RAB31: variants seen among roughly 807,000 people sequenced by gnomAD.
The protein encoded by RAB31 is RAB31, member RAS oncogene family, also known as ras-related protein Rab-31.
In RAB31, 21 loss-of-function variants were observed where a neutral mutation model predicts 25.6. The ratio of observed to expected loss-of-function variants is 0.82; its 90% confidence interval spans 0.58 to 1.18. The LOEUF is 1.18. Ranked by LOEUF, RAB31 falls within the 50% of genes most tolerant of loss-of-function variation. The pLI is 0.00. For missense variants in RAB31, 196 were observed against 250.1 expected, an observed-to-expected ratio of 0.78 and a Z score of 1.46; for synonymous variants, 87 against 84.0, an observed-to-expected ratio of 1.04 and a Z score of -0.20.
At chr18:9,807,454 T>A (rs1215289758) in intron 3 of RAB31, among the ~76,000 whole-genome samples, 1 of 152,124 alleles carries the variant, frequency 6.6e-6, no homozygotes, top group East Asian at 1.9e-4. Flanking sequence ...TGGCTGTGTA[T>A]GATGCGAATA....
chr18:9,744,501 G>T (rs2068195804), intron 1 of RAB31, among the ~76,000 whole-genome samples: 1 of 152,042 alleles, frequency 6.6e-6, no homozygotes, highest in African/African-American at 2.4e-5. Context: ...TGTTCATTTT[G>T]TATCTGTATG....
At chr18:9,818,921 G>A (rs952120125) in intron 5 of RAB31, among the ~76,000 whole-genome samples, 1 of 152,166 alleles carries the variant, frequency 6.6e-6, no homozygotes, top group African/African-American at 2.4e-5. Context: ...TTGGCCATGT[G>A]TGTATCTTCT....
intron 5 of RAB31, among the ~76,000 whole-genome samples, chr18:9,819,047 A>G (rs1261153562): frequency 1.3e-5 from 2 of 152,198 alleles, no homozygotes; most frequent in African/African-American, 4.8e-5. Flanking sequence ...CAAACATGTA[A>G]TTCGCAAATA....
chr18:9,843,355 G>A (rs978603905), intron 5 of RAB31, among the ~76,000 whole-genome samples: 1 of 152,026 alleles, frequency 6.6e-6, no homozygotes, highest in Non-Finnish European at 1.5e-5. Context: ...GACCAGACTG[G>A]GCAACGTGGC....
intron 6 of RAB31, among the ~76,000 whole-genome samples, chr18:9,857,688 A>ATAG (rs2068825105): frequency 1.3e-5 from 1 of 77,984 alleles, no homozygotes; most frequent in Admixed American, 1.3e-4. Flanking sequence ...TAGATAGATG[A>ATAG]TAGATAGATA....
intron 5 of RAB31, among the ~76,000 whole-genome samples, chr18:9,843,365 C>T (rs898567566): frequency 4.0e-5 from 6 of 151,882 alleles, no homozygotes; most frequent in South Asian, 2.1e-4. Context: ...GGCAACGTGG[C>T]GAAACCCCGT....
At chr18:9,790,905 A>G (rs1163608308) in intron 2 of RAB31, among the ~76,000 whole-genome samples, 1 of 152,242 alleles carries the variant, frequency 6.6e-6, no homozygotes, top group South Asian at 2.1e-4. Flanking sequence ...ACTTTCTGTC[A>G]TAAAAGTCAA....
intron 1 of RAB31, among the ~76,000 whole-genome samples, chr18:9,727,639 A>C (rs2068102011): frequency 6.6e-6 from 1 of 152,228 alleles, no homozygotes; most frequent in African/African-American, 2.4e-5. Context: ...AATTGTGTAT[A>C]ATTAAGCCAT....
intron 1 of RAB31, among the ~76,000 whole-genome samples, chr18:9,732,386 A>G (rs1265138563): frequency 6.6e-6 from 1 of 152,244 alleles, no homozygotes; most frequent in Non-Finnish European, 1.5e-5. Flanking sequence ...GCAGGGCTGT[A>G]GCCAGGTGAG....
chr18:9,716,910 TTTTCTTTC>T (rs71168100), intron 1 of RAB31, among the ~76,000 whole-genome samples: 1 of 128,782 alleles, frequency 7.8e-6, no homozygotes, highest in Non-Finnish European at 1.7e-5. Context: ...ACTTGGCTAA[TTTTCTTTC>T]TTTCTTTCTT....
chr18:9,804,453 G>A (rs2068529810), intron 3 of RAB31, among the ~76,000 whole-genome samples: 1 of 152,180 alleles, frequency 6.6e-6, no homozygotes. Flanking sequence ...CCAAAACACA[G>A]AGCCGCTGAG....
intron 6 of RAB31, among the ~76,000 whole-genome samples, chr18:9,854,679 G>A (rs961343539): frequency 3.9e-5 from 6 of 152,062 alleles, no homozygotes; most frequent in Non-Finnish European, 5.9e-5. Flanking sequence ...CTTCTTTATG[G>A]CAGCAAGAGG....
At chr18:9,821,902 G>A (rs1255544781) in intron 5 of RAB31, among the ~76,000 whole-genome samples, 1 of 152,090 alleles carries the variant, frequency 6.6e-6, no homozygotes, top group Non-Finnish European at 1.5e-5. Context: ...TGAGTTATAG[G>A]TTTAAATGAA....
Position 9,719,671 on chromosome 18 carries a change from A to G in RAB31, c.39+11227A>G, listed in dbSNP as rs181213189. Among the ~76,000 whole-genome samples, 339 of 151,600 alleles carry G rather than the reference A, an allele frequency of 2.2e-3. 1 individual carries two copies. Among genetic ancestry groups the G allele is most frequent in the African/African-American group, 8.0e-3 (329 of 41,302 alleles). The stretch of plus-strand genomic sequence containing the variant: ...TGTCAACCTCACCATCCTGCCCTGT[A>G]TTTCTTCTGTTATGTCGCTGCTTTT... On this transcript the variant is annotated intron_variant, in intron 1 of 6. Transcript: ENST00000578921.
intron 3 of RAB31, among the ~76,000 whole-genome samples, chr18:9,794,731 C>G (rs1467164419): frequency 2.0e-5 from 3 of 152,134 alleles, no homozygotes; most frequent in African/African-American, 7.2e-5. Context: ...AGAAGAATCA[C>G]TTGAACCCGG....
intron 5 of RAB31, among the ~76,000 whole-genome samples, chr18:9,843,669 G>A (rs1366617510): frequency 6.6e-6 from 1 of 151,938 alleles, no homozygotes; most frequent in African/African-American, 2.4e-5. Flanking sequence ...AAAAACTCCA[G>A]CATAATCCCT....
intron 1 of RAB31, among the ~76,000 whole-genome samples, chr18:9,750,691 G>A (rs2068230443): frequency 6.6e-6 from 1 of 152,206 alleles, no homozygotes; most frequent in South Asian, 2.1e-4. Flanking sequence ...CAGCAGAGCA[G>A]AAGTTGAAGC....
intron 3 of RAB31, chr18:9,797,218 T>C (rs1176193580): frequency 6.6e-6 from 1 of 152,210 alleles, no homozygotes; most frequent in Non-Finnish European, 1.5e-5. Flanking sequence ...GATCTGCTGG[T>C]TTTTTGTTTG....
chr18:9,822,919 C>G (rs1224084561), intron 5 of RAB31, among the ~76,000 whole-genome samples: 1 of 152,136 alleles, frequency 6.6e-6, no homozygotes, highest in Non-Finnish European at 1.5e-5. Flanking sequence ...GGGCATTTAT[C>G]CTGGAGAAAT....
Sources: allele counts gnomAD v4.1 joint callset (sites outside exome capture counted in the v4.1 genomes callset), GRCh38; gene constraint gnomAD v4.1.1; transcripts MANE v1.5; gene names NCBI Gene and HGNC (gene_info 2026-07-23, HGNC 2026-07-21).